SYN3: variants seen among roughly 807,000 people sequenced by gnomAD.
The protein encoded by SYN3 is synapsin III.
A neutral mutation model predicts 65.8 loss-of-function variants in SYN3; 35 were observed. That is an observed-to-expected ratio of 0.53 (90% CI 0.41 to 0.70). The LOEUF (loss-of-function observed/expected upper bound fraction) is 0.70, where lower values mean the gene tolerates loss of function less well. SYN3 is among the 30% of genes least tolerant of loss of function. The probability of loss-of-function intolerance (pLI) is 0.00; values close to 1 mark genes in which losing one functional copy is unlikely to be tolerated. For missense variants in SYN3, 680 were observed against 749.0 expected (o/e 0.91, Z 1.08); for synonymous variants, 270 against 292.9 (o/e 0.92, Z 0.80).
chr22:32,548,169 C>G (rs1229940693), intron 7 of SYN3, among the ~76,000 whole-genome samples: 1 of 152,168 alleles, frequency 6.6e-6, no homozygotes, highest in African/African-American at 2.4e-5. Context: ...ATAAGACTGT[C>G]CCCTCCCTCT....
chr22:32,558,786 T>C (rs1355391441), intron 7 of SYN3, among the ~76,000 whole-genome samples: 1 of 152,210 alleles, frequency 6.6e-6, no homozygotes, highest in African/African-American at 2.4e-5. Context: ...CAAGGGCCCC[T>C]TAGCCAAGGC....
intron 7 of SYN3, among the ~76,000 whole-genome samples, chr22:32,577,083 C>T (rs766419762): frequency 2.6e-5 from 4 of 152,192 alleles, no homozygotes; most frequent in Non-Finnish European, 5.9e-5. Context: ...GGCCTTACTC[C>T]AGTCAATCAC....
intron 6 of SYN3, among the ~76,000 whole-genome samples, chr22:32,695,919 T>A: frequency 6.6e-6 from 1 of 152,214 alleles, no homozygotes; most frequent in African/African-American, 2.4e-5. Context: ...TGGTAACATA[T>A]AGGACTCCTC....
intron 6 of SYN3, among the ~76,000 whole-genome samples, chr22:32,719,183 A>G (rs539112384): frequency 6.6e-6 from 1 of 152,278 alleles, no homozygotes; most frequent in South Asian, 2.1e-4. Flanking sequence ...AAATTACTCA[A>G]TATGTCTATT....
chr22:32,712,885 C>A (rs1292022618), intron 6 of SYN3, among the ~76,000 whole-genome samples: 2 of 152,030 alleles, frequency 1.3e-5, no homozygotes, highest in African/African-American at 4.8e-5. Flanking sequence ...ACCTTCATAC[C>A]AAAGCTTCTT....
At position 32,585,728 on chromosome 22, in the gene SYN3, G is replaced by T. The variant is rs542577972; in HGVS notation, c.774+10946C>A. Reference sequence around the variant, plus strand: ...CCTGCCTTCAACAGGTGAACATTGGGTTACACAGAGAAGCAGGATGACTGT... The same window carrying T: ...CCTGCCTTCAACAGGTGAACATTGGTTTACACAGAGAAGCAGGATGACTGT... On this transcript the variant is annotated intron_variant, in intron 7 of 13. Coordinates refer to ENST00000358763, the MANE Select transcript of SYN3 (RefSeq NM_003490.4). 2.6e-3 allele frequency among the ~76,000 whole-genome samples: 361 copies of T among 140,900 alleles called. 1 individual carries two copies. Among genetic ancestry groups the T allele is most frequent in the Admixed American group, 5.4e-3 (80 of 14,806 alleles). The allele number at this position is 140,900 out of a possible 152,430, so 92.4% of individuals were successfully genotyped here. A position where few individuals can be genotyped will look rare whatever the true frequency, so the allele number is the denominator to read the frequency against.
intron 3 of SYN3, among the ~76,000 whole-genome samples, chr22:32,942,850 T>C (rs1354606748): frequency 6.6e-6 from 1 of 152,098 alleles, no homozygotes; most frequent in Non-Finnish European, 1.5e-5. Context: ...TATCATTGAT[T>C]AAAGATCAAA....
chr22:32,574,349 C>T (rs2058822780), intron 7 of SYN3, among the ~76,000 whole-genome samples: 1 of 152,034 alleles, frequency 6.6e-6, no homozygotes, highest in South Asian at 2.1e-4. Context: ...TTTGGTGGTG[C>T]ACGCCAGTAG....
chr22:32,877,584 A>T (rs1365418218), intron 4 of SYN3, among the ~76,000 whole-genome samples: 2 of 152,160 alleles, frequency 1.3e-5, no homozygotes, highest in Non-Finnish European at 2.9e-5. Context: ...ACAACAAGCA[A>T]TGTCTCCCAC....
rs181232879 is a variant in SYN3 at position 32,886,883 on chromosome 22, C to G, written c.462-17758G>C. Among the ~76,000 whole-genome samples, 196 of 152,338 alleles carry G rather than the reference C, an allele frequency of 1.3e-3. 2 individuals carry two copies. The highest frequency in any genetic ancestry group is 2.9e-3 in the Admixed American group (44 of 15,304). The stretch of plus-strand genomic sequence containing the variant: ...CTGCCAAGTATGGACTGGAAGGCAG[C>G]CCGCAGGACCCTGCCTCTCATGTTC... On this transcript the variant is annotated intron_variant, in intron 4 of 13. Coordinates refer to ENST00000358763, the MANE Select transcript of SYN3 (RefSeq NM_003490.4).
chr22:32,818,985 C>T (rs566662355), intron 6 of SYN3, among the ~76,000 whole-genome samples: 3 of 152,364 alleles, frequency 2.0e-5, no homozygotes, highest in Admixed American at 1.3e-4. Context: ...GCCTCCTCCT[C>T]CTCTGACACA....
chr22:32,894,142 G>A (rs186944795), intron 4 of SYN3, among the ~76,000 whole-genome samples: 8 of 152,232 alleles, frequency 5.3e-5, no homozygotes, highest in South Asian at 2.1e-4. Flanking sequence ...TGTCTTCTAC[G>A]CAATAAACTG....
intron 8 of SYN3, 35 bp from the exon 9 acceptor site, chr22:32,538,145 G>C (rs2058195915): frequency 6.3e-7 from 1 of 1,590,258 alleles, no homozygotes. Context: ...GAGGGAATTA[G>C]GGACCCTCGT....
chr22:32,695,357 C>A (rs1052447607), intron 6 of SYN3, among the ~76,000 whole-genome samples: 1 of 152,016 alleles, frequency 6.6e-6, no homozygotes, highest in South Asian at 2.1e-4. Flanking sequence ...ATTTTTTCAT[C>A]CCATGTTAGA....
chr22:32,578,817 G>A (rs892844438), intron 7 of SYN3, among the ~76,000 whole-genome samples: 5 of 152,136 alleles, frequency 3.3e-5, no homozygotes, highest in African/African-American at 7.2e-5. Context: ...ATTGGCAAAC[G>A]TTTCCTGTAA....
chr22:32,990,387 CCCATCCATCCATCCATCCAGCCAT>C (rs1480322770), intron 2 of SYN3, among the ~76,000 whole-genome samples: 4 of 137,824 alleles, frequency 2.9e-5, no homozygotes, highest in Non-Finnish European at 4.7e-5. Context: ...CATCCATCCA[CCCATCCATCCATCCATCCAGCCAT>C]CCATCCATCC....
At chr22:32,956,464 A>G (rs1423819918) in intron 3 of SYN3, among the ~76,000 whole-genome samples, 1 of 152,022 alleles carries the variant, frequency 6.6e-6, no homozygotes, top group African/African-American at 2.4e-5. Context: ...CACCCCTACT[A>G]ATTTCTATCC....
chr22:32,703,805 A>G (rs1380814383), intron 6 of SYN3, among the ~76,000 whole-genome samples: 2 of 152,144 alleles, frequency 1.3e-5, no homozygotes, highest in Non-Finnish European at 1.5e-5. Flanking sequence ...TCTAAAATCA[A>G]TCTACTCATC....
intron 7 of SYN3, among the ~76,000 whole-genome samples, chr22:32,596,416 G>A (rs890421772): frequency 2.0e-5 from 3 of 152,162 alleles, no homozygotes; most frequent in South Asian, 2.1e-4. Flanking sequence ...CTCTTCAGTC[G>A]CAATCATAGA....
Sources: allele counts gnomAD v4.1 joint callset (sites outside exome capture counted in the v4.1 genomes callset), GRCh38; gene constraint gnomAD v4.1.1; transcripts MANE v1.5; gene names NCBI Gene and HGNC (gene_info 2026-07-23, HGNC 2026-07-21).